The following MCTP1 variants were observed in gnomAD, a reference collection of about 807,000 sequenced individuals.
MCTP1 encodes the protein multiple C2 and transmembrane domain containing 1, also known as multiple C2 and transmembrane domain-containing protein 1.
Under a neutral mutation model 120.6 loss-of-function variants are expected in MCTP1, and 69 were observed. The observed-to-expected ratio is 0.57, with a 90% confidence interval of 0.47 to 0.70. The LOEUF is 0.70. Among genes scored for constraint, MCTP1 ranks in the 30% least tolerant of loss-of-function variants. The pLI is 0.00. For synonymous variants in MCTP1, 529 were observed against 493.1 expected (o/e 1.07, Z -0.96); for missense variants, 1,203 against 1,248.8 (o/e 0.96, Z 0.55).
chr5:95,077,181 T>C (rs1233101940), intron 1 of MCTP1, among the ~76,000 whole-genome samples: 1 of 152,230 alleles, frequency 6.6e-6, no homozygotes, highest in African/African-American at 2.4e-5. Context: ...TATATACTTT[T>C]GTAAACAAGC....
chr5:95,076,288 A>T (rs1189648592), intron 1 of MCTP1, among the ~76,000 whole-genome samples: 1 of 152,164 alleles, frequency 6.6e-6, no homozygotes, highest in Non-Finnish European at 1.5e-5. Flanking sequence ...AGGGGTAATG[A>T]CTACTGTACA....
chr5:95,177,644 T>C (rs1343113898), intron 1 of MCTP1, among the ~76,000 whole-genome samples: 2 of 152,192 alleles, frequency 1.3e-5, no homozygotes, highest in Non-Finnish European at 2.9e-5. Flanking sequence ...AGGAGTAACG[T>C]GATTGGTCAC....
chr5:94,763,518 G>C (rs1245611119), intron 19 of MCTP1, among the ~76,000 whole-genome samples: 1 of 152,136 alleles, frequency 6.6e-6, no homozygotes, highest in Non-Finnish European at 1.5e-5. Context: ...ACAATTCCGT[G>C]AAGCTGGCTA....
chr5:94,917,981 G>T lies in MCTP1; in HGVS notation c.1273-8C>A, dbSNP rs1053467252. On this transcript the variant is annotated splice_polypyrimidine_tract_variant and splice_region_variant and intron_variant, in intron 7 of 22. Coordinates refer to ENST00000515393, the MANE Select transcript of MCTP1 (RefSeq NM_024717.7). ...AGCTGGCCTGCCGCACGTCTGGATG[G>T]AAATGAATGATCAGAGCTGTACGGG... 4 of 1,611,954 alleles carry T rather than the reference G, an allele frequency of 2.5e-6. No individual in the cohort carries two copies. The African/African-American group carries it at 5.3e-5, about 22-fold the overall frequency.
At chr5:94,883,770 G>T (rs753343891) in intron 12 of MCTP1, among the ~76,000 whole-genome samples, 23 of 152,184 alleles carry the variant, frequency 1.5e-4, no homozygotes, top group Non-Finnish European at 1.3e-4. Flanking sequence ...ATTTTAAAAA[G>T]CAACTTAGCA....
chr5:94,838,511 C>T (rs140755187), intron 17 of MCTP1, among the ~76,000 whole-genome samples: 1 of 152,056 alleles, frequency 6.6e-6, no homozygotes, highest in East Asian at 1.9e-4. Flanking sequence ...AGGCTCACTG[C>T]ACTAGAGTCA....
intron 1 of MCTP1, among the ~76,000 whole-genome samples, chr5:95,208,779 C>T (rs1263658221): frequency 6.6e-6 from 1 of 151,924 alleles, no homozygotes; most frequent in East Asian, 1.9e-4. Context: ...AGTTTTGATG[C>T]TATTTCAATG....
At chr5:94,768,622 G>GACATATGAA (rs1311150511) in intron 19 of MCTP1, among the ~76,000 whole-genome samples, 1 of 151,994 alleles carries the variant, frequency 6.6e-6, no homozygotes, top group East Asian at 1.9e-4. Context: ...ATGGCTAACA[G>GACATATGAA]ACATATGAAA....
intron 1 of MCTP1, among the ~76,000 whole-genome samples, chr5:95,063,527 G>A (rs1476114210): frequency 6.6e-6 from 1 of 152,180 alleles, no homozygotes; most frequent in African/African-American, 2.4e-5. Flanking sequence ...TAGCTCACAA[G>A]GAAACATTTA....
chr5:94,873,164 G>T lies in MCTP1; in HGVS notation c.2011C>A (p.Pro671Thr). 6.2e-7 allele frequency: 1 copy of T among 1,604,882 alleles called. No homozygotes were observed. Among genetic ancestry groups the T allele is most frequent in the South Asian group, 1.1e-5 (1 of 90,850 alleles). ...LTHTVYKNLN[P>T]EWNKVFTFNI... ...AACGTGAAGACTTTATTCCACTCAGGATTGAGATTTTTGTAGACAGTATGT... is the reference window on the plus strand; with the variant it reads ...AACGTGAAGACTTTATTCCACTCAGTATTGAGATTTTTGTAGACAGTATGT... The change falls in exon 13 of 23, where the codon CCT becomes ACT. Residue 671 changes from proline (P) to threonine (T), a missense_variant. Transcript: ENST00000515393.
chr5:94,890,983 G>T (rs1419798991), intron 11 of MCTP1, among the ~76,000 whole-genome samples: 1 of 152,110 alleles, frequency 6.6e-6, no homozygotes, highest in East Asian at 1.9e-4. Flanking sequence ...AGAGTAAAAA[G>T]CATTCCCATC....
chr5:95,279,809 T>A (rs1760168096), intron 1 of MCTP1, among the ~76,000 whole-genome samples: 1 of 152,220 alleles, frequency 6.6e-6, no homozygotes, highest in Non-Finnish European at 1.5e-5. Context: ...ATGAATGCTA[T>A]CACACATCAA....
intron 1 of MCTP1, among the ~76,000 whole-genome samples, chr5:95,225,766 T>G (rs1754191734): frequency 1.3e-5 from 2 of 152,068 alleles, no homozygotes; most frequent in African/African-American, 4.8e-5. Flanking sequence ...GACATTTCCC[T>G]CTCCATTCCC....
chr5:95,214,434 A>G (rs975390785), intron 1 of MCTP1, among the ~76,000 whole-genome samples: 1 of 152,024 alleles, frequency 6.6e-6, no homozygotes, highest in African/African-American at 2.4e-5. Context: ...AAACTAGTTC[A>G]ACCATTGTGG....
At chr5:94,867,642 TGA>T (rs1167381892) in intron 17 of MCTP1, 2 of 380,286 alleles carry the variant, frequency 5.3e-6, no homozygotes, top group Non-Finnish European at 9.4e-6. Context: ...CAAAATAATG[TGA>T]GAGAAGAAAA....
At chr5:95,089,963 T>A (rs1443619024) in intron 1 of MCTP1, among the ~76,000 whole-genome samples, 1 of 152,194 alleles carries the variant, frequency 6.6e-6, no homozygotes, top group East Asian at 1.9e-4. Flanking sequence ...GTTGATTGAA[T>A]TCTCGACACA....
At chr5:95,223,636 C>G (rs1753933447) in intron 1 of MCTP1, among the ~76,000 whole-genome samples, 4 of 152,018 alleles carry the variant, frequency 2.6e-5, no homozygotes, top group Admixed American at 2.6e-4. Flanking sequence ...AATAACTCCA[C>G]AAGTCTCTTT....
At chr5:95,005,464 T>C (rs309805) in intron 2 of MCTP1, among the ~76,000 whole-genome samples, 8,474 of 152,184 alleles carry the variant, frequency 0.056, 305 homozygotes, top group Non-Finnish European at 0.087. Context: ...TGGCTCTGTG[T>C]CCCCACCCCA....
chr5:94,920,733 T>C (rs1056114989), intron 7 of MCTP1, among the ~76,000 whole-genome samples: 17 of 142,766 alleles, frequency 1.2e-4, no homozygotes, highest in South Asian at 1.1e-3. Context: ...CAGAGGGAGA[T>C]TCCGTCTCAA....
Sources: gnomAD v4.1 joint callset for allele counts (sites outside exome capture counted in the v4.1 genomes callset) on GRCh38, gnomAD v4.1.1 for gene constraint, MANE v1.5 for transcripts, NCBI Gene and HGNC (gene_info 2026-07-23, HGNC 2026-07-21) for gene names.